FBXO22: variants seen among roughly 807,000 people sequenced by gnomAD.
FBXO22 encodes F-box only protein 22.
A neutral mutation model predicts 37.2 loss-of-function variants in FBXO22; 13 were observed. The observed-to-expected ratio is 0.35, with a 90% CI of 0.23 to 0.56. The LOEUF is 0.56. Among genes scored for constraint, FBXO22 ranks in the 20% least tolerant of loss-of-function variants. FBXO22 has a pLI of 0.87. For synonymous variants in FBXO22, 189 were observed against 189.1 expected (o/e 1.00, Z 0.00); for missense variants, 446 against 509.9 (o/e 0.87, Z 1.21).
At chr15:75,918,156 A>G (rs1900230164) in intron 5 of FBXO22, among the ~76,000 whole-genome samples, 1 of 152,186 alleles carries the variant, frequency 6.6e-6, no homozygotes, top group African/African-American at 2.4e-5. Flanking sequence ...ATTTTTGCAT[A>G]GATCAGCCAG....
Position 75,914,370 on chromosome 15 carries a change from T to A in FBXO22, c.463+165T>A, listed in dbSNP as rs1021053098. 3.7e-4 allele frequency among the ~76,000 whole-genome samples: 57 copies of A among 152,192 alleles called. 2 individuals are homozygous for A. Among genetic ancestry groups the A allele is most frequent in the Admixed American group, 3.7e-3 (56 of 15,280 alleles). ...GCATTATATTTGCCTTATATTAATG[T>A]TTATTAAGTTATTGTACTTCTCATC... On this transcript the variant is annotated intron_variant, in intron 4 of 6. Transcript: ENST00000308275.
chr15:75,904,458 CG>C, intron 1 of FBXO22, 32 bp from the exon 2 acceptor site: 15 of 1,612,850 alleles, frequency 9.3e-6, no homozygotes, highest in Non-Finnish European at 1.3e-5. Flanking sequence ...AATGAACGTC[CG>C]TTCGCAATCC....
At chr15:75,911,996 G>A (rs1012795683) in intron 2 of FBXO22, among the ~76,000 whole-genome samples, 9 of 150,960 alleles carry the variant, frequency 6.0e-5, no homozygotes, top group African/African-American at 2.2e-4. Context: ...TTTATCAAAG[G>A]CCTTTTCTGC....
Position 75,937,046 on chromosome 15 carries a change from AT to A in FBXO22, c.*3949del, listed in dbSNP as rs1397122000. The A allele has an allele frequency of 6.6e-6, 1 of 152,072 alleles. No homozygotes were observed. The highest frequency in any genetic ancestry group is 1.5e-5 in the Non-Finnish European group (1 of 68,012). 9.4% of individuals were successfully genotyped at this position (152,072 alleles called of 1,614,324 possible). A position where few individuals can be genotyped will look rare whatever the true frequency, so the allele number is the denominator to read the frequency against. On this transcript the variant is annotated 3_prime_UTR_variant, in exon 7 of 7. Coordinates refer to ENST00000308275, the MANE Select transcript of FBXO22 (RefSeq NM_147188.3). Reference sequence around the variant, plus strand: ...TGAGGAGAATTTTGAGACCATTGACATTTTTCTAATTATGACTAAAATTTAA... The same window carrying A: ...TGAGGAGAATTTTGAGACCATTGACATTTTCTAATTATGACTAAAATTTAA...
At chr15:75,932,640 A>T in intron 6 of FBXO22, 45 bp from the exon 7 acceptor site, 2 of 1,520,868 alleles carry the variant, frequency 1.3e-6, no homozygotes, top group South Asian at 2.6e-5. Flanking sequence ...ATACTTAAAA[A>T]TTTTAATGTT....
At chr15:75,909,593 G>A (rs1900005509) in intron 2 of FBXO22, among the ~76,000 whole-genome samples, 1 of 152,082 alleles carries the variant, frequency 6.6e-6, no homozygotes, top group Non-Finnish European at 1.5e-5. Context: ...TGTTCTAAGA[G>A]CTTCAGTTAT....
intron 6 of FBXO22, 126 bp from the exon 7 acceptor site, chr15:75,932,559 G>A: frequency 1.2e-6 from 1 of 838,660 alleles, no homozygotes; most frequent in Non-Finnish European, 1.9e-6. Context: ...CTATGAGGGT[G>A]AGCCTCAGAT....
At position 75,904,486 on chromosome 15, in the gene FBXO22, C is replaced by T. The variant is rs1215117123; in HGVS notation, c.141-5C>T. The T allele has an allele frequency of 1.2e-6, 2 of 1,613,700 alleles. No individual in the cohort carries two copies. The highest frequency in any genetic ancestry group is 1.7e-6 in the Non-Finnish European group (2 of 1,179,860). On this transcript the variant is annotated splice_polypyrimidine_tract_variant and splice_region_variant and intron_variant, in intron 1 of 6. Coordinates refer to ENST00000308275, the MANE Select transcript of FBXO22 (RefSeq NM_147188.3). ...TCGCAATCCTTTGTGCGTTTGCGTC[C>T]TCAGCGTGTGCCGCTTATGGAGGGA...
chr15:75,920,042 T>G (rs556567660), intron 5 of FBXO22, among the ~76,000 whole-genome samples: 1 of 152,304 alleles, frequency 6.6e-6, no homozygotes, highest in East Asian at 1.9e-4. Flanking sequence ...TATTCTAAAT[T>G]AAGGATGCCA....
chr15:75,940,073 A>G lies in FBXO22; in HGVS notation c.*6971A>G, dbSNP rs1024737860. The G allele has an allele frequency of 1.3e-4, 20 of 151,802 alleles. No homozygotes were observed. Among genetic ancestry groups the G allele is most frequent in the African/African-American group, 4.8e-4 (20 of 41,342 alleles). The allele number at this position is 151,802 out of a possible 1,614,324, so 9.4% of individuals were successfully genotyped here. On this transcript the variant is annotated 3_prime_UTR_variant, in exon 7 of 7. Transcript: ENST00000308275. ...AAGAAGTAAAATCCTATATGTTCAC[A>G]AATGATATGATCTTTAGACAACCCG...
In FBXO22 at chr15:75,941,611, A is replaced by G. The variant is rs1446499972; in HGVS notation, c.*8509A>G. 4 of 152,226 alleles carry G rather than the reference A, an allele frequency of 2.6e-5. No homozygotes were observed. The highest frequency in any genetic ancestry group is 5.9e-5 in the Non-Finnish European group (4 of 68,018). 9.4% of individuals were successfully genotyped at this position (152,226 alleles called of 1,614,324 possible). A position where few individuals can be genotyped will look rare whatever the true frequency, so the allele number is the denominator to read the frequency against. On this transcript the variant is annotated 3_prime_UTR_variant, in exon 7 of 7. Coordinates refer to ENST00000308275, the MANE Select transcript of FBXO22 (RefSeq NM_147188.3). Reference sequence around the variant, plus strand: ...AGCCATAAAAAGGAAATCCTTCTACATACTACATCATGGATGAACCTTTCA... The same window carrying G: ...AGCCATAAAAAGGAAATCCTTCTACGTACTACATCATGGATGAACCTTTCA...
chr15:75,911,933 G>A (rs889665492), intron 2 of FBXO22, among the ~76,000 whole-genome samples: 1 of 149,632 alleles, frequency 6.7e-6, no homozygotes, highest in East Asian at 2.0e-4. Context: ...TTTGAGATAC[G>A]TTCCATCAAT....
rs144391586 is a variant in FBXO22, at chr15:75,939,963, A to G, written c.*6861A>G. On this transcript the variant is annotated 3_prime_UTR_variant, in exon 7 of 7. Transcript: ENST00000308275. Reference sequence around the variant, plus strand: ...AAGCTTTTCCTCTAAGATCAAGACAATGCTCATTTCACCATTCCTATTCAA... The same window carrying G: ...AAGCTTTTCCTCTAAGATCAAGACAGTGCTCATTTCACCATTCCTATTCAA... The G allele has an allele frequency of 1.8e-3, 268 of 152,210 alleles. 3 individuals are homozygous for G. The highest frequency in any genetic ancestry group is 6.0e-3 in the African/African-American group (250 of 41,544). 9.4% of individuals were successfully genotyped at this position (152,210 alleles called of 1,614,324 possible). A position where few individuals can be genotyped will look rare whatever the true frequency, so the allele number is the denominator to read the frequency against.
At chr15:75,925,091 C>T (rs1900409890) in intron 5 of FBXO22, among the ~76,000 whole-genome samples, 1 of 152,072 alleles carries the variant, frequency 6.6e-6, no homozygotes, top group South Asian at 2.1e-4. Flanking sequence ...TTGGAAGTGT[C>T]CTGTGTTTTC....
At chr15:75,904,673 G>C in intron 2 of FBXO22, 44 bp downstream of exon 2, 2 of 1,534,134 alleles carry the variant, frequency 1.3e-6, no homozygotes. Flanking sequence ...GCAGGTTGGT[G>C]GTTCAGTCTT....
At chr15:75,905,321 A>G (rs77063956) in intron 2 of FBXO22, among the ~76,000 whole-genome samples, 2,439 of 151,988 alleles carry the variant, frequency 0.016, 62 homozygotes, top group African/African-American at 0.055. Flanking sequence ...CTGATCCTGT[A>G]CTCTTTTGCT....
At position 75,932,847 on chromosome 15, in the gene FBXO22, C is replaced by A. The variant is rs756178166; in HGVS notation, c.957C>A (p.Thr319=). The change falls in exon 7 of 7, where the codon ACC becomes ACA. Residue 319 remains threonine, a synonymous_variant. Coordinates refer to ENST00000308275, the MANE Select transcript of FBXO22 (RefSeq NM_147188.3). ...CGGCCAACATTCCAGAGCATAACAC[C>A]ATTGGCTTCATGTTTGCATGCGTTG... is the stretch of plus-strand genomic sequence containing the variant. The part of the protein sequence containing the change: ...LKAANIPEHN[T]IGFMFACVGR... The A allele has an allele frequency of 6.2e-7, 1 of 1,614,242 alleles. No homozygotes were observed. The highest frequency in any genetic ancestry group is 8.5e-7 in the Non-Finnish European group (1 of 1,180,054).
At chr15:75,929,162 T>C (rs1419098686) in intron 5 of FBXO22, among the ~76,000 whole-genome samples, 5 of 152,130 alleles carry the variant, frequency 3.3e-5, no homozygotes, top group Non-Finnish European at 7.4e-5. Context: ...AGTTTCTGCT[T>C]CTGTGGTCAC....
chr15:75,903,947 C>G lies in FBXO22; in HGVS notation c.-17C>G. 6.5e-7 allele frequency: 1 copy of G among 1,532,438 alleles called. No homozygotes were observed. The allele number at this position is 1,532,438 out of a possible 1,614,324, so 94.9% of individuals were successfully genotyped here. On this transcript the variant is annotated 5_prime_UTR_variant, in exon 1 of 7. Coordinates refer to ENST00000308275, the MANE Select transcript of FBXO22 (RefSeq NM_147188.3). The stretch of plus-strand genomic sequence containing the variant: ...CTCCGAGCCGCCGTAGGACTGGTTC[C>G]GGCGGGCTGGTGAGGAATGGAGCCG...
Sources: allele counts gnomAD v4.1 joint callset (sites outside exome capture counted in the v4.1 genomes callset), GRCh38; gene constraint gnomAD v4.1.1; transcripts MANE v1.5; gene names NCBI Gene and HGNC (gene_info 2026-07-23, HGNC 2026-07-21).